TBC1D9: variants seen among roughly 807,000 people sequenced by gnomAD.
TBC1D9 encodes the protein TBC1 domain family member 9A.
Under a neutral mutation model 132.0 loss-of-function variants are expected in TBC1D9, and 63 were observed. The observed-to-expected ratio is 0.48, with a 90% CI of 0.39 to 0.59. The LOEUF (loss-of-function observed/expected upper bound fraction) is 0.59, where lower values mean the gene tolerates loss of function less well. Among genes scored for constraint, TBC1D9 ranks in the 20% least tolerant of loss-of-function variants. The pLI is 0.00. For missense variants in TBC1D9, 1,261 were observed against 1,592.7 expected (o/e 0.79, Z 3.54); for synonymous variants, 610 against 609.9 (o/e 1.00, Z 0.00).
chr4:140,709,821 C>A (rs1349051731), intron 1 of TBC1D9, among the ~76,000 whole-genome samples: 1 of 152,184 alleles, frequency 6.6e-6, no homozygotes, highest in Non-Finnish European at 1.5e-5. Context: ...AGATCCCTTG[C>A]ATGTGCAGTT....
chr4:140,669,196 G>C (rs1578833002), intron 8 of TBC1D9, 129 bp from the exon 9 acceptor site: 1 of 916,276 alleles, frequency 1.1e-6, no homozygotes, highest in East Asian at 2.6e-5. Context: ...ATGAGAAAAA[G>C]GAACTCAGAT....
chr4:140,722,373 G>A (rs779125667), intron 1 of TBC1D9, among the ~76,000 whole-genome samples: 4 of 152,212 alleles, frequency 2.6e-5, no homozygotes, highest in Admixed American at 2.0e-4. Context: ...ACTGCAGATA[G>A]GCAGGTAACT....
intron 2 of TBC1D9, among the ~76,000 whole-genome samples, chr4:140,694,157 G>T (rs1053150861): frequency 6.6e-6 from 1 of 152,140 alleles, no homozygotes; most frequent in African/African-American, 2.4e-5. Flanking sequence ...CAAAGATTTT[G>T]TTGGGAGAAT....
chr4:140,667,326 A>G (rs776081616), intron 9 of TBC1D9, among the ~76,000 whole-genome samples: 2 of 152,182 alleles, frequency 1.3e-5, no homozygotes, highest in Non-Finnish European at 2.9e-5. Flanking sequence ...AGGGCTGTGT[A>G]CTATTGTTGT....
intron 6 of TBC1D9, among the ~76,000 whole-genome samples, chr4:140,676,072 A>C (rs1397002271): frequency 1.3e-5 from 2 of 152,182 alleles, no homozygotes; most frequent in Non-Finnish European, 2.9e-5. Context: ...TTTTTAACCC[A>C]TGGACAACTA....
At chr4:140,646,576 A>C (rs537500509) in intron 13 of TBC1D9, among the ~76,000 whole-genome samples, 1 of 152,188 alleles carries the variant, frequency 6.6e-6, no homozygotes, top group Non-Finnish European at 1.5e-5. Context: ...GTGGACTCTA[A>C]ACTATCCTAT....
chr4:140,659,736 A>G (rs1404517338), intron 10 of TBC1D9, 31 bp from the exon 11 acceptor site: 1 of 1,442,420 alleles, frequency 6.9e-7, no homozygotes, highest in Non-Finnish European at 9.6e-7. Context: ...GTCATCAAAT[A>G]CAGTTGAAAA....
intron 1 of TBC1D9, among the ~76,000 whole-genome samples, chr4:140,712,882 T>C (rs1215014349): frequency 3.3e-5 from 5 of 152,112 alleles, no homozygotes. Flanking sequence ...CATGGCCTAA[T>C]AACGAGATGC....
chr4:140,642,010 T>C (rs1242787015), intron 13 of TBC1D9: 2 of 634,306 alleles, frequency 3.2e-6, no homozygotes, highest in Non-Finnish European at 5.7e-6. Flanking sequence ...CACCTTAGCC[T>C]CTCGAAGCAG....
In TBC1D9 at chr4:140,628,377, A is replaced by G. The variant is rs748770762; in HGVS notation, c.2747-12T>C. On this transcript the variant is annotated splice_polypyrimidine_tract_variant and intron_variant, in intron 16 of 20. Coordinates refer to ENST00000442267, the MANE Select transcript of TBC1D9 (RefSeq NM_015130.3). Reference sequence around the variant, plus strand: ...ATGGCATGCAGCACCTAGAAGTCACATAAGTACCAATGTGAAATGCATCAC... The same window carrying G: ...ATGGCATGCAGCACCTAGAAGTCACGTAAGTACCAATGTGAAATGCATCAC... 2.4e-5 allele frequency: 39 copies of G among 1,612,290 alleles called. No individual in the cohort carries two copies. Among genetic ancestry groups the G allele is most frequent in the Middle Eastern group, 1.6e-4 (1 of 6,084 alleles).
At chr4:140,654,220 C>T (rs1052684280) in intron 13 of TBC1D9, among the ~76,000 whole-genome samples, 11 of 152,210 alleles carry the variant, frequency 7.2e-5, no homozygotes, top group Non-Finnish European at 1.2e-4. Context: ...GCCCCTGTAC[C>T]CTTTCCCCAT....
chr4:140,646,149 CATGATCATTCCAGGAAGTAA>C (rs1186569833), intron 13 of TBC1D9, among the ~76,000 whole-genome samples: 3 of 152,206 alleles, frequency 2.0e-5, no homozygotes, highest in Non-Finnish European at 2.9e-5. Flanking sequence ...AGGGGGTCCT[CATGATCATTCCAGGAAGTAA>C]GTGCTCTTCC....
chr4:140,654,025 C>T (rs1737228174), intron 13 of TBC1D9, among the ~76,000 whole-genome samples: 1 of 152,206 alleles, frequency 6.6e-6, no homozygotes, highest in African/African-American at 2.4e-5. Flanking sequence ...AGCTGAGTTG[C>T]CACATACTAA....
At chr4:140,745,506 A>G (rs1056207495) in intron 1 of TBC1D9, among the ~76,000 whole-genome samples, 3 of 152,212 alleles carry the variant, frequency 2.0e-5, no homozygotes, top group African/African-American at 7.2e-5. Context: ...TGTGAAGACG[A>G]TGAGGACAAA....
chr4:140,712,561 T>C (rs1738262289), intron 1 of TBC1D9, among the ~76,000 whole-genome samples: 2 of 149,890 alleles, frequency 1.3e-5, no homozygotes, highest in South Asian at 4.2e-4. Flanking sequence ...GCCAACATGG[T>C]GAAAGCCCAT....
In TBC1D9 at chr4:140,669,097, C is replaced by T. The variant is rs1410278332; in HGVS notation, c.1438-30G>A. The T allele has an allele frequency of 4.3e-6, 7 of 1,610,760 alleles. No individual in the cohort carries two copies. In the Admixed American group the frequency reaches 8.3e-5, roughly 19 times the overall value. ...AAGGGATAATGAAACATTATGACAT[C>T]CAAAGTACCCTGAGGATGGTAAGAG... On this transcript the variant is annotated intron_variant, in intron 8 of 20. Coordinates refer to ENST00000442267, the MANE Select transcript of TBC1D9 (RefSeq NM_015130.3).
intron 1 of TBC1D9, among the ~76,000 whole-genome samples, chr4:140,711,428 A>C (rs1334768187): frequency 1.3e-5 from 2 of 152,142 alleles, no homozygotes; most frequent in Non-Finnish European, 2.9e-5. Context: ...CCTCCTGGAT[A>C]CCTGGGGGCA....
intron 3 of TBC1D9, among the ~76,000 whole-genome samples, chr4:140,680,360 G>A (rs1737684780): frequency 6.6e-6 from 1 of 152,144 alleles, no homozygotes; most frequent in Non-Finnish European, 1.5e-5. Context: ...AGCAGAAAAG[G>A]GGTAGATATG....
In TBC1D9 at chr4:140,644,715, C is replaced by G. The variant is rs1030519688; in HGVS notation, c.2338-5287G>C. 1.7e-5 allele frequency: 7 copies of G among 410,810 alleles called. 1 individual carries two copies. In the Admixed American group the frequency reaches 2.3e-4, roughly 14 times the overall value. The allele number at this position is 410,810 out of a possible 1,614,324, so 25.4% of individuals were successfully genotyped here. ...CCTGCAGCTGCAGGAAGTGCTGCAG[C>G]GAAAAGAGCTGCAACTGCTGGGCCT... On this transcript the variant is annotated intron_variant, in intron 13 of 20. Transcript: ENST00000442267.
Sources: allele counts gnomAD v4.1 joint callset (sites outside exome capture counted in the v4.1 genomes callset), GRCh38; gene constraint gnomAD v4.1.1; transcripts MANE v1.5; gene names NCBI Gene and HGNC (gene_info 2026-07-23, HGNC 2026-07-21).